Variants in AMACR observed in about 807,000 individuals in gnomAD.
AMACR encodes the protein alpha-methylacyl-CoA racemase.
A neutral mutation model predicts 22.2 loss-of-function variants in AMACR; 18 were observed. That is an observed-to-expected ratio of 0.81 (90% CI 0.56 to 1.20). The LOEUF is 1.20. Ranked by LOEUF, AMACR falls within the 50% of genes most tolerant of loss-of-function variation. The probability of loss-of-function intolerance (pLI) is 0.00; values close to 1 mark genes in which losing one functional copy is unlikely to be tolerated. For missense variants in AMACR, 499 were observed against 490.6 expected, an observed-to-expected ratio of 1.02 and a Z score of -0.16; for synonymous variants, 213 against 191.3, an observed-to-expected ratio of 1.11 and a Z score of -0.94.
At chr5:33,996,867 T>G in intron 4 of AMACR, 1 of 348,472 alleles carries the variant, frequency 2.9e-6, no homozygotes, top group East Asian at 5.4e-5. Flanking sequence ...CTTCGGTGGC[T>G]GCACATGCCA....
At chr5:33,994,430 C>T (rs1561039620) in intron 4 of AMACR, among the ~76,000 whole-genome samples, 1 of 152,146 alleles carries the variant, frequency 6.6e-6, no homozygotes, top group Non-Finnish European at 1.5e-5. Context: ...CCACCTGCCT[C>T]GGCCTCCCAA....
chr5:33,989,577 GCC>G, intron 4 of AMACR, 75 bp from the exon 5 acceptor site: 1 of 1,233,298 alleles, frequency 8.1e-7, no homozygotes, highest in Non-Finnish European at 1.2e-6. Flanking sequence ...TGAATGCTGA[GCC>G]CACTGTACTA....
At chr5:33,997,341 C>T (rs758208550) in intron 4 of AMACR, 15 of 775,032 alleles carry the variant, frequency 1.9e-5, no homozygotes, top group African/African-American at 1.9e-4. Flanking sequence ...TTTTAATCAT[C>T]ATTGGCTTGA....
chr5:33,986,645 T>C lies in AMACR; in HGVS notation c.*2448A>G, dbSNP rs1461725431. On this transcript the variant is annotated 3_prime_UTR_variant, in exon 5 of 5. Coordinates refer to ENST00000335606, the MANE Select transcript of AMACR (RefSeq NM_014324.6). ...GGTAGATTTGGCTAATGGGAGACAC[T>C]GGTAGGAAGACTAGGGGAGAGAGAG... 6.6e-6 allele frequency: 1 copy of C among 152,234 alleles called. No homozygotes were observed. Among genetic ancestry groups the C allele is most frequent in the Non-Finnish European group, 1.5e-5 (1 of 68,054 alleles). The allele number at this position is 152,234 out of a possible 1,614,324, so 9.4% of individuals were successfully genotyped here.
In AMACR at chr5:33,988,134, T is replaced by A; in HGVS notation, c.*959A>T. On this transcript the variant is annotated 3_prime_UTR_variant, in exon 5 of 5. Coordinates refer to ENST00000335606, the MANE Select transcript of AMACR (RefSeq NM_014324.6). ...ATGGCACCCGGATTAGATTGTGGAA[T>A]CTACCCCTTCCTCACATGCCTTTAG... 2 of 574,722 alleles carry A rather than the reference T, an allele frequency of 3.5e-6. No homozygotes were observed. The highest frequency in any genetic ancestry group is 3.0e-5 in the Admixed American group (1 of 33,002). The allele number at this position is 574,722 out of a possible 1,614,324, so 35.6% of individuals were successfully genotyped here.
intron 4 of AMACR, among the ~76,000 whole-genome samples, chr5:33,994,497 T>G (rs1465438754): frequency 3.3e-5 from 5 of 152,052 alleles, no homozygotes; most frequent in African/African-American, 1.2e-4. Flanking sequence ...TTACTACAGA[T>G]GTGGGGGTTT....
chr5:34,007,971 C>G lies in AMACR; in HGVS notation c.49G>C (p.Gly17Arg), dbSNP rs1754050670. Residue 17 changes from glycine to arginine, a missense_variant, in exon 1 of 5, where the codon GGC becomes CGC. Coordinates refer to ENST00000335606, the MANE Select transcript of AMACR (RefSeq NM_014324.6). ...GCCAGGACCATAGCACAGAACGGGC[C>G]CGGGGCCAGGCCGGACAGCTCCACG... is the stretch of plus-strand genomic sequence containing the variant. Reference protein sequence around the residue: ...SVVELSGLAPGPFCAMVLADF... With the variant: ...SVVELSGLAPRPFCAMVLADF... The G allele has an allele frequency of 6.2e-7, 1 of 1,611,586 alleles. No homozygotes were observed.
In AMACR at chr5:33,998,778, AATTTCT is replaced by A. The variant is rs1753720924; in HGVS notation, c.596_601del (p.Gln199_Lys200del). The stretch of plus-strand genomic sequence containing the variant: ...TCCTCGAGGTGCTTCCCACAGACTC[AATTTCT>A]GAGTTTTCCACAGAAAAGAACTTAA... On this transcript the variant is annotated inframe_deletion, in exon 4 of 5. Transcript: ENST00000335606. The A allele has an allele frequency of 6.2e-7, 1 of 1,613,560 alleles. No homozygotes were observed. The highest frequency in any genetic ancestry group is 1.3e-5 in the African/African-American group (1 of 74,802).
intron 3 of AMACR, among the ~76,000 whole-genome samples, chr5:33,999,862 G>C (rs947604754): frequency 2.6e-5 from 4 of 152,130 alleles, no homozygotes; most frequent in African/African-American, 9.7e-5. Flanking sequence ...AGTGGCCTAC[G>C]GCAGTGCCTT....
At chr5:34,007,618 C>CAAT (rs1481499919) in intron 1 of AMACR, among the ~76,000 whole-genome samples, 155 bp downstream of exon 1, 1 of 152,180 alleles carries the variant, frequency 6.6e-6, no homozygotes, top group Admixed American at 6.5e-5. Context: ...TGATCACTAA[C>CAAT]AATACCCTAG....
chr5:34,006,173 T>C (rs1753971385), intron 1 of AMACR, among the ~76,000 whole-genome samples: 1 of 152,218 alleles, frequency 6.6e-6, no homozygotes, highest in African/African-American at 2.4e-5. Context: ...GAGCAGGGTC[T>C]CATCCCTTTA....
At chr5:33,990,347 G>A (rs142185671) in intron 4 of AMACR, among the ~76,000 whole-genome samples, 442 of 152,294 alleles carry the variant, frequency 2.9e-3, no homozygotes, top group African/African-American at 0.01. Flanking sequence ...GCATGAAAGG[G>A]ACTTGAAGGG....
chr5:34,005,991 C>A (rs150799056), intron 1 of AMACR, 92 bp from the exon 2 acceptor site: 4 of 1,438,210 alleles, frequency 2.8e-6, no homozygotes, highest in Admixed American at 3.4e-5. Flanking sequence ...AGCACCATTG[C>A]AAGTAATATT....
chr5:34,005,926 A>G lies in AMACR; in HGVS notation c.248-27T>C, dbSNP rs142145220. 62 of 1,613,656 alleles carry G rather than the reference A, an allele frequency of 3.8e-5. No individual in the cohort carries two copies. In the African/African-American group the frequency reaches 8.3e-4, roughly 21 times the overall value. ...TTAAGAGAAAAGTAACGATCTTCTT[A>G]AGAGAGTATGAATTGAGGATGGAGA... is the stretch of plus-strand genomic sequence containing the variant. On this transcript the variant is annotated intron_variant, in intron 1 of 4. Transcript: ENST00000335606.
intron 4 of AMACR, 70 bp from the exon 5 acceptor site, chr5:33,989,572 G>T: frequency 7.7e-7 from 1 of 1,290,872 alleles, no homozygotes; most frequent in Non-Finnish European, 1.1e-6. Flanking sequence ...AAAAATGAAT[G>T]CTGAGCCCAC....
chr5:34,003,956 C>T (rs975718402), intron 3 of AMACR, among the ~76,000 whole-genome samples: 3 of 152,210 alleles, frequency 2.0e-5, no homozygotes, highest in African/African-American at 7.2e-5. Flanking sequence ...CTTCCGTTCC[C>T]TCCTCTTTAA....
At chr5:34,003,876 AAC>A (rs1363671675) in intron 3 of AMACR, among the ~76,000 whole-genome samples, 1 of 152,204 alleles carries the variant, frequency 6.6e-6, no homozygotes, top group African/African-American at 2.4e-5. Context: ...TGAAAATGCA[AAC>A]ACGCAGTGGT....
At chr5:34,002,735 C>G (rs1386554444) in intron 3 of AMACR, among the ~76,000 whole-genome samples, 1 of 152,216 alleles carries the variant, frequency 6.6e-6, no homozygotes, top group Non-Finnish European at 1.5e-5. Context: ...TTGGCGGGTA[C>G]TGGTATAAAT....
intron 4 of AMACR, chr5:33,997,074 T>G (rs1027286126): frequency 4.0e-6 from 3 of 744,054 alleles, no homozygotes; most frequent in Non-Finnish European, 7.4e-6. Context: ...CCTTAGGTTT[T>G]ACCCATTCAT....
Sources: gnomAD v4.1 joint callset for allele counts (sites outside exome capture counted in the v4.1 genomes callset) on GRCh38, gnomAD v4.1.1 for gene constraint, MANE v1.5 for transcripts, NCBI Gene and HGNC (gene_info 2026-07-23, HGNC 2026-07-21) for gene names.